The following RIN3 variants were observed in gnomAD, a reference collection of about 807,000 sequenced individuals.
RIN3 encodes Ras and Rab interactor 3.
Under a neutral mutation model 76.3 loss-of-function variants are expected in RIN3, and 54 were observed. The ratio of observed to expected loss-of-function variants is 0.71; its 90% CI spans 0.57 to 0.89. The LOEUF (loss-of-function observed/expected upper bound fraction) is 0.89. Among genes scored for constraint, RIN3 ranks in the 40% least tolerant of loss-of-function variants. RIN3 has a pLI of 0.00. For synonymous variants in RIN3, 576 were observed against 564.0 expected (o/e 1.02, Z -0.30); for missense variants, 1,256 against 1,322.1 (o/e 0.95, Z 0.78).
At chr14:92,542,421 G>A (rs867387570) in intron 1 of RIN3, among the ~76,000 whole-genome samples, 1 of 152,170 alleles carries the variant, frequency 6.6e-6, no homozygotes, top group Non-Finnish European at 1.5e-5. Flanking sequence ...AATATAACAA[G>A]TGTTGGAAAG....
intron 3 of RIN3, among the ~76,000 whole-genome samples, chr14:92,589,063 C>A (rs1955879755): frequency 6.6e-6 from 1 of 152,120 alleles, no homozygotes; most frequent in Admixed American, 6.5e-5. Flanking sequence ...CTCTGACTTC[C>A]CTGCAAGGCT....
chr14:92,661,723 TCACA>T lies in RIN3; in HGVS notation c.2335+2287_2335+2290del, dbSNP rs778646491. Reference sequence around the variant, plus strand: ...TGGGTGGTGACAGAGTGAGACTCTGTCACACACACACACACACACACACACACAC... The same window carrying T: ...TGGGTGGTGACAGAGTGAGACTCTGTCACACACACACACACACACACACAC... On this transcript the variant is annotated intron_variant, in intron 7 of 9. Transcript: ENST00000216487. 4.3e-4 allele frequency among the ~76,000 whole-genome samples: 58 copies of T among 134,958 alleles called. No individual in the cohort carries two copies. The South Asian group carries it at 0.014, about 32-fold the overall frequency. 88.5% of individuals were successfully genotyped at this position (134,958 alleles called of 152,430 possible).
chr14:92,631,601 T>C (rs1886584028), intron 4 of RIN3, among the ~76,000 whole-genome samples: 1 of 152,010 alleles, frequency 6.6e-6, no homozygotes, highest in Non-Finnish European at 1.5e-5. Context: ...GCATTTTTTT[T>C]TGGCGGCGGC....
Position 92,615,433 on chromosome 14 carries a change from G to A in RIN3, c.394G>A (p.Val132Met). 3.1e-6 allele frequency: 5 copies of A among 1,614,150 alleles called. No homozygotes were observed. Among genetic ancestry groups the A allele is most frequent in the Non-Finnish European group, 4.2e-6 (5 of 1,180,012 alleles). The change falls in exon 4 of 10, where the codon GTG becomes ATG. Residue 132 changes from valine to methionine, a missense_variant. Around this residue, in one of 3 missense-constraint regions of RIN3, gnomAD observed 610 missense variants for 626.4 expected, o/e 0.97. Transcript: ENST00000216487. ...SILYLEGSAL[V>M]FEDIFRLIAF... ...ATTGTACCTGGAAGGCTCGGCTCTT[G>A]TGTTTGAGGACATCTTCAGATTGAT...
At chr14:92,588,214 C>CTTTTTTTTTTTT (rs141155255) in intron 3 of RIN3, among the ~76,000 whole-genome samples, 1 of 58,760 alleles carries the variant, frequency 1.7e-5, no homozygotes, top group Non-Finnish European at 3.1e-5. Flanking sequence ...CCATAGCACT[C>CTTTTTTTTTTTT]TTTTTTTTTT....
chr14:92,671,478 C>G (rs1212611302), intron 7 of RIN3, among the ~76,000 whole-genome samples: 1 of 152,130 alleles, frequency 6.6e-6, no homozygotes, highest in Admixed American at 6.5e-5. Context: ...GAGTAAGCAC[C>G]AGTAACCCTG....
chr14:92,517,047 A>G (rs1896462016), intron 1 of RIN3, among the ~76,000 whole-genome samples: 1 of 152,192 alleles, frequency 6.6e-6, no homozygotes, highest in African/African-American at 2.4e-5. Flanking sequence ...CAGAGCAGAG[A>G]CGGAAAGAAT....
chr14:92,671,558 C>T lies in RIN3; in HGVS notation c.2336-4917C>T, dbSNP rs984364548. Among the ~76,000 whole-genome samples, 9 of 152,142 alleles carry T rather than the reference C, an allele frequency of 5.9e-5. 1 individual carries two copies. Among genetic ancestry groups the T allele is most frequent in the Admixed American group, 4.6e-4 (7 of 15,284 alleles). ...GAAGGATGAGTGAAATTAGTAGGAA[C>T]GTGGGATTGTCGGTCAAGATTCCTC... On this transcript the variant is annotated intron_variant, in intron 7 of 9. Transcript: ENST00000216487.
intron 1 of RIN3, among the ~76,000 whole-genome samples, chr14:92,554,223 C>T (rs575859523): frequency 3.3e-5 from 5 of 152,256 alleles, no homozygotes; most frequent in Admixed American, 1.3e-4. Flanking sequence ...TGCGAGGCTC[C>T]GAGATGTTGT....
chr14:92,543,120 C>A (rs1424086887), intron 1 of RIN3, among the ~76,000 whole-genome samples: 1 of 152,196 alleles, frequency 6.6e-6, no homozygotes, highest in Non-Finnish European at 1.5e-5. Flanking sequence ...TGGAGACACC[C>A]AGCTCAGCGT....
intron 7 of RIN3, among the ~76,000 whole-genome samples, chr14:92,673,725 C>T (rs928871056): frequency 1.3e-5 from 2 of 152,212 alleles, no homozygotes; most frequent in Non-Finnish European, 2.9e-5. Flanking sequence ...AGGTCGATCT[C>T]GAACTCCTGA....
chr14:92,520,370 G>C (rs910572435), intron 1 of RIN3, among the ~76,000 whole-genome samples: 13 of 152,326 alleles, frequency 8.5e-5, no homozygotes, highest in African/African-American at 2.9e-4. Flanking sequence ...TCCAGTAGAG[G>C]GGGGTGGGAG....
intron 1 of RIN3, among the ~76,000 whole-genome samples, chr14:92,544,414 T>TGGGGGGGGGGGGTGGGGGGGGG (rs1897200446): frequency 1.3e-5 from 1 of 74,546 alleles, no homozygotes; most frequent in Non-Finnish European, 2.4e-5. Flanking sequence ...GTGACAGCTG[T>TGGGGGGGGGGGGTGGGGGGGGG]GGGGGGGGGG....
chr14:92,683,285 G>A (rs886261213), intron 8 of RIN3, among the ~76,000 whole-genome samples: 3 of 152,142 alleles, frequency 2.0e-5, no homozygotes, highest in African/African-American at 7.2e-5. Context: ...CTGGGGACCC[G>A]AGAGACCAGG....
rs1896961973 is a variant in RIN3 at position 92,534,921 on chromosome 14, A to G, written c.45-20830A>G. On this transcript the variant is annotated intron_variant, in intron 1 of 9. Coordinates refer to ENST00000216487, the MANE Select transcript of RIN3 (RefSeq NM_024832.5). ...TTATTGTAAAATTTGGAGTGTACAG[A>G]AAAGTGCAAAGAAGGAGAAAGAAAT... Among the ~76,000 whole-genome samples, 5 of 152,202 alleles carry G rather than the reference A, an allele frequency of 3.3e-5. No individual in the cohort carries two copies. The South Asian group carries it at 1.0e-3, about 32-fold the overall frequency.
chr14:92,579,156 C>T (rs1337357291), intron 3 of RIN3, among the ~76,000 whole-genome samples: 1 of 151,952 alleles, frequency 6.6e-6, no homozygotes, highest in South Asian at 2.1e-4. Flanking sequence ...TCGAACCCCC[C>T]ACCTCAGGTG....
chr14:92,647,001 C>A (rs1887225308), intron 5 of RIN3, among the ~76,000 whole-genome samples: 1 of 152,192 alleles, frequency 6.6e-6, no homozygotes, highest in Non-Finnish European at 1.5e-5. Flanking sequence ...TTCCAGTCCG[C>A]TGGATGATCT....
intron 7 of RIN3, among the ~76,000 whole-genome samples, chr14:92,669,156 G>C (rs1019234612): frequency 2.6e-5 from 4 of 152,092 alleles, no homozygotes; most frequent in Non-Finnish European, 5.9e-5. Flanking sequence ...ACCTACTATA[G>C]ACCAGGTACC....
chr14:92,676,892 G>A (rs536540151), intron 8 of RIN3, among the ~76,000 whole-genome samples: 1 of 152,282 alleles, frequency 6.6e-6, no homozygotes, highest in Admixed American at 6.5e-5. Context: ...TGTGCAGTCA[G>A]GGAAGGCTTC....
Sources: gnomAD v4.1 joint callset for allele counts (sites outside exome capture counted in the v4.1 genomes callset) on GRCh38, gnomAD v4.1.1 for gene constraint, gnomAD v4.1.1 regional missense constraint, MANE v1.5 for transcripts, NCBI Gene and HGNC (gene_info 2026-07-23, HGNC 2026-07-21) for gene names.